The following TERT variants were observed in gnomAD, a reference collection of about 807,000 sequenced individuals.
TERT encodes telomerase reverse transcriptase, also known as telomerase catalytic subunit.
TERT carries 42 observed loss-of-function variants against 104.0 expected under a neutral mutation model. The ratio of observed to expected loss-of-function variants is 0.40; its 90% CI spans 0.32 to 0.52. The LOEUF is 0.52. Among genes scored for constraint, TERT ranks in the 20% least tolerant of loss-of-function variants. The pLI is 0.43. For synonymous variants in TERT, 781 were observed against 725.6 expected (o/e 1.08, Z -1.23); for missense variants, 1,101 against 1,610.3 (o/e 0.68, Z 5.41).
chr5:1,279,269 C>G, intron 5 of TERT, 22 bp downstream of exon 5: 1 of 1,559,798 alleles, frequency 6.4e-7, no homozygotes, highest in Non-Finnish European at 8.7e-7. Flanking sequence ...CAGGGCTGCT[C>G]ACGGGGGTCC....
chr5:1,279,718 TCACCGCAGC>T (rs1205748798), intron 4 of TERT, among the ~76,000 whole-genome samples: 1 of 152,092 alleles, frequency 6.6e-6, no homozygotes, highest in African/African-American at 2.4e-5. Flanking sequence ...GATGACGGGG[TCACCGCAGC>T]CACCGCAGCC....
rs988117973 is a variant in TERT at position 1,255,129 on chromosome 5, G to A, written c.3157+158C>T. Among the ~76,000 whole-genome samples the A allele has an allele frequency of 6.6e-6, 1 of 152,228 alleles. No homozygotes were observed. Among genetic ancestry groups the A allele is most frequent in the African/African-American group, 2.4e-5 (1 of 41,462 alleles). On this transcript the variant is annotated intron_variant, in intron 14 of 15. Transcript: ENST00000310581. This position sits in a 1 kb window ranked among gnomAD's most constrained non-coding sequence, Gnocchi z 6.9. The stretch of plus-strand genomic sequence containing the variant: ...CCATCAGGTGCTCTGCTCACCCCAC[G>A]AGAGGGCGGGCAGACGAGCCTGACA...
chr5:1,286,239 C>T lies in TERT; in HGVS notation c.1574-3615G>A, dbSNP rs762375094. 4.6e-5 allele frequency among the ~76,000 whole-genome samples: 7 copies of T among 152,128 alleles called. No homozygotes were observed. Among genetic ancestry groups the T allele is most frequent in the Admixed American group, 1.3e-4 (2 of 15,278 alleles). On this transcript the variant is annotated intron_variant, in intron 2 of 15. Coordinates refer to ENST00000310581, the MANE Select transcript of TERT (RefSeq NM_198253.3). The surrounding 1 kb of genome is among the most constrained non-coding windows in gnomAD (Gnocchi z 5.3). The stretch of plus-strand genomic sequence containing the variant: ...ATCATAAGCAGAGGTCCCCGGACGT[C>T]GCTAGATGCCATGGAGGCCAGCACA...
intron 6 of TERT, among the ~76,000 whole-genome samples, chr5:1,277,157 C>T (rs1019343015): frequency 1.3e-5 from 2 of 152,194 alleles, no homozygotes; most frequent in Non-Finnish European, 2.9e-5. Context: ...GCGGCTTCGA[C>T]ACCTTCAGGC....
Position 1,261,015 on chromosome 5 carries a change from G to A in TERT, c.2844-415C>T, listed in dbSNP as rs1748194502. ...TGAGTTGGGCGTGGGGAATCTCACT[G>A]TGTTTGAATCTCAGGGATGGAAGAG... On this transcript the variant is annotated intron_variant, in intron 11 of 15. Coordinates refer to ENST00000310581, the MANE Select transcript of TERT (RefSeq NM_198253.3). This position sits in a 1 kb window ranked among gnomAD's most constrained non-coding sequence, Gnocchi z 7.4. 6.6e-6 allele frequency among the ~76,000 whole-genome samples: 1 copy of A among 152,196 alleles called. No homozygotes were observed. The highest frequency in any genetic ancestry group is 2.4e-5 in the African/African-American group (1 of 41,442).
chr5:1,294,008 C>T lies in TERT; in HGVS notation c.878G>A (p.Arg293His), dbSNP rs1309920442. ...GCGGCCCACGGATGGGTGGGAGTGG[C>T]GCGTGCCAGAGAGCGCACCCTCCAA... ...TSLEGALSGTRHSHPSVGRQH... is the reference protein window; with the variant it reads ...TSLEGALSGTHHSHPSVGRQH... Residue 293 changes from arginine (R) to histidine (H), a missense_variant, in exon 2 of 16, where the codon CGC becomes CAC. Arg to His is a conservative substitution (Grantham distance 29, BLOSUM62 0). Coordinates refer to ENST00000310581, the MANE Select transcript of TERT (RefSeq NM_198253.3). 3 of 1,582,466 alleles carry T rather than the reference C, an allele frequency of 1.9e-6. No homozygotes were observed. The highest frequency in any genetic ancestry group is 2.3e-5 in the East Asian group (1 of 42,580).
rs558726132 is a variant in TERT at position 1,263,131 on chromosome 5, G to A, written c.2843+1273C>T. Among the ~76,000 whole-genome samples, 49 of 152,260 alleles carry A rather than the reference G, an allele frequency of 3.2e-4. No individual in the cohort carries two copies. Among genetic ancestry groups the A allele is most frequent in the Admixed American group, 1.3e-3 (20 of 15,286 alleles). ...TCTGCACCTGCTGCTCCCCCATCAC[G>A]AGGGTGTCCACACCTGCTGCTCCCC... On this transcript the variant is annotated intron_variant, in intron 11 of 15. Coordinates refer to ENST00000310581, the MANE Select transcript of TERT (RefSeq NM_198253.3). The surrounding 1 kb of genome is among the most constrained non-coding windows in gnomAD (Gnocchi z 5.3).
At position 1,294,213 on chromosome 5, in the gene TERT, C is replaced by T. The variant is rs1060502999; in HGVS notation, c.673G>A (p.Gly225Arg). Residue 225 changes from glycine to arginine, a missense_variant, in exon 2 of 16, where the codon GGG becomes AGG. Coordinates refer to ENST00000310581, the MANE Select transcript of TERT (RefSeq NM_198253.3). ...GLPAPGARRR[G>R]GSASRSLPLP... is the part of the protein sequence containing the mutation. Reference sequence around the variant, plus strand: ...GGCAGACTTCGGCTGGCACTGCCCCCGCGCCTCCTCGCACCCGGGGCTGGC... The same window carrying T: ...GGCAGACTTCGGCTGGCACTGCCCCTGCGCCTCCTCGCACCCGGGGCTGGC... 6.3e-7 allele frequency: 1 copy of T among 1,581,402 alleles called. No homozygotes were observed.
chr5:1,258,516 C>A, intron 13 of TERT, 82 bp downstream of exon 13: 1 of 1,314,476 alleles, frequency 7.6e-7, no homozygotes. Context: ...CCAGGAGTTC[C>A]AAGGTGAAGC....
In TERT at chr5:1,253,320, G is replaced by A. The variant is rs987718304; in HGVS notation, c.*408C>T. ...ACTCCAAATTCCCAGAGCTCCCAGG[G>A]TCCTTCTCAGGGTCTCCACCTGGAT... On this transcript the variant is annotated 3_prime_UTR_variant, in exon 16 of 16. Transcript: ENST00000310581. 5.1e-6 allele frequency: 2 copies of A among 395,840 alleles called. No homozygotes were observed. The highest frequency in any genetic ancestry group is 2.0e-5 in the African/African-American group (1 of 50,482). 24.5% of individuals were successfully genotyped at this position (395,840 alleles called of 1,614,324 possible).
intron 2 of TERT, among the ~76,000 whole-genome samples, chr5:1,290,218 C>G (rs71575529): frequency 1.0e-3 from 50 of 47,692 alleles, no homozygotes; most frequent in African/African-American, 1.3e-3. Context: ...ACCCGGGGAC[C>G]GCGCCTCACT....
chr5:1,274,233 C>G lies in TERT; in HGVS notation c.2287-1953G>C, dbSNP rs1367646903. The stretch of plus-strand genomic sequence containing the variant: ...GTACGATTCAACCCTGAGAACCAAC[C>G]TGGAAGGCAGTAACAGGAAGGTACA... On this transcript the variant is annotated intron_variant, in intron 6 of 15. Transcript: ENST00000310581. The surrounding 1 kb of genome is among the most constrained non-coding windows in gnomAD (Gnocchi z 5.3). Among the ~76,000 whole-genome samples, 1 of 152,196 alleles carries G rather than the reference C, an allele frequency of 6.6e-6. No homozygotes were observed. The highest frequency in any genetic ancestry group is 1.5e-5 in the Non-Finnish European group (1 of 68,034).
At chr5:1,264,353 A>G in intron 11 of TERT, 51 bp downstream of exon 11, 1 of 1,559,334 alleles carries the variant, frequency 6.4e-7, no homozygotes, top group South Asian at 1.2e-5. Context: ...GCCCTGCAGC[A>G]GCACCTGCCC....
intron 6 of TERT, among the ~76,000 whole-genome samples, chr5:1,275,117 G>C (rs1201640945): frequency 1.3e-5 from 2 of 152,236 alleles, no homozygotes; most frequent in African/African-American, 4.8e-5. Context: ...GTTCACACCT[G>C]TCATCCCAGC....
rs1751026998 is a variant in TERT at position 1,292,054 on chromosome 5, T to C, written c.1573+1259A>G. On this transcript the variant is annotated intron_variant, in intron 2 of 15. Transcript: ENST00000310581. The surrounding 1 kb of genome is among the most constrained non-coding windows in gnomAD (Gnocchi z 5.5). ...GCTGTAAACACCGCCGAGTTAGCAA[T>C]TCTGCACTGTACACAGAAAACGGTG... Among the ~76,000 whole-genome samples, 1 of 152,158 alleles carries C rather than the reference T, an allele frequency of 6.6e-6. No homozygotes were observed. The highest frequency in any genetic ancestry group is 2.4e-5 in the African/African-American group (1 of 41,428).
At chr5:1,278,113 C>G (rs556289380) in intron 6 of TERT, among the ~76,000 whole-genome samples, 95 of 152,320 alleles carry the variant, frequency 6.2e-4, no homozygotes, top group African/African-American at 2.2e-3. Context: ...CTACTCTCCT[C>G]TCAAACCTGG....
intron 3 of TERT, 44 bp from the exon 4 acceptor site, chr5:1,280,382 A>G: frequency 6.3e-7 from 1 of 1,598,298 alleles, no homozygotes; most frequent in East Asian, 2.2e-5. Context: ...GCCAGACAAC[A>G]GACTAGGGGG....
At chr5:1,290,552 A>G (rs1208122611) in intron 2 of TERT, among the ~76,000 whole-genome samples, 1 of 53,934 alleles carries the variant, frequency 1.9e-5, no homozygotes, top group Non-Finnish European at 3.3e-5. Flanking sequence ...ACACCCGGGG[A>G]CGGTGCCTCA....
At chr5:1,271,297 T>A (rs1375054235) in intron 7 of TERT, 93 bp from the exon 8 acceptor site, 1 of 904,306 alleles carries the variant, frequency 1.1e-6, no homozygotes, top group Non-Finnish European at 1.8e-6. Flanking sequence ...CCTTTTGGGG[T>A]CAGTGTTTGT....
Sources: gnomAD v4.1 joint callset for allele counts (sites outside exome capture counted in the v4.1 genomes callset) on GRCh38, gnomAD v4.1.1 for gene constraint, Gnocchi (gnomAD v3.1) non-coding constraint, MANE v1.5 for transcripts, NCBI Gene and HGNC (gene_info 2026-07-23, HGNC 2026-07-21) for gene names.